Variants in TBC1D1 observed in about 807,000 individuals in gnomAD.
TBC1D1 encodes TBC1 (tre-2/USP6, BUB2, cdc16) domain family, member 1.
TBC1D1 carries 89 observed loss-of-function variants against 125.6 expected under a neutral mutation model. That is an observed-to-expected ratio of 0.71 (90% CI 0.60 to 0.85). The LOEUF is 0.85. TBC1D1 is among the 40% of genes least tolerant of loss of function. The pLI, the probability that TBC1D1 is intolerant of heterozygous loss-of-function variation, is 0.00. For missense variants in TBC1D1, 1,377 were observed against 1,469.2 expected (o/e 0.94, Z 1.03); for synonymous variants, 565 against 564.1 (o/e 1.00, Z -0.02).
chr4:37,942,830 G>A (rs926720887), intron 2 of TBC1D1, among the ~76,000 whole-genome samples: 6 of 152,070 alleles, frequency 3.9e-5, no homozygotes, highest in Admixed American at 1.3e-4. Context: ...GTGAGCCACC[G>A]TGCCCGGCTA....
chr4:38,098,962 T>G (rs1578697985), intron 14 of TBC1D1, among the ~76,000 whole-genome samples: 1 of 152,192 alleles, frequency 6.6e-6, no homozygotes. Context: ...CCTATGACAT[T>G]ATAGATAATT....
In TBC1D1 at chr4:38,078,150, G is replaced by C. The variant is rs145527849; in HGVS notation, c.2051-11782G>C. On this transcript the variant is annotated intron_variant, in intron 12 of 19. Coordinates refer to ENST00000261439, the MANE Select transcript of TBC1D1 (RefSeq NM_015173.4). The stretch of plus-strand genomic sequence containing the variant: ...AAAGAAAGGACAGCTCTGAGCCAGA[G>C]TACTTGGTGACTTTGCTCAAACAAA... Among the ~76,000 whole-genome samples, 760 of 152,314 alleles carry C rather than the reference G, an allele frequency of 5.0e-3. 2 individuals carry two copies. The highest frequency in any genetic ancestry group is 8.4e-3 in the Non-Finnish European group (571 of 68,026).
At chr4:37,964,127 A>T (rs1321646674) in intron 2 of TBC1D1, among the ~76,000 whole-genome samples, 2 of 152,210 alleles carry the variant, frequency 1.3e-5, no homozygotes, top group East Asian at 3.8e-4. Context: ...TGCAATAGAT[A>T]TTGAGTGGCT....
At chr4:37,979,905 G>A (rs1397399313) in intron 2 of TBC1D1, among the ~76,000 whole-genome samples, 8 of 152,068 alleles carry the variant, frequency 5.3e-5, no homozygotes, top group Admixed American at 4.6e-4. Flanking sequence ...TCAGCCTCCC[G>A]AGTAGCTGGG....
At position 37,977,574 on chromosome 4, in the gene TBC1D1, G is replaced by C. The variant is rs1441946918; in HGVS notation, c.418-36935G>C. The C allele has an allele frequency of 1.6e-6, 1 of 629,582 alleles. No homozygotes were observed. The highest frequency in any genetic ancestry group is 2.0e-6 in the Non-Finnish European group (1 of 493,784). The allele number at this position is 629,582 out of a possible 1,614,324, so 39.0% of individuals were successfully genotyped here. ...CGCCCGTTACCGGAGCGGAGCGGCA[G>C]GCGCGGGGCTGGAACATTTGTAACC... On this transcript the variant is annotated intron_variant, in intron 2 of 19. Transcript: ENST00000261439. The surrounding 1 kb of genome is among the most constrained non-coding windows in gnomAD (Gnocchi z 4.3).
In TBC1D1 at chr4:38,074,388, C is replaced by T. The variant is rs1031853898; in HGVS notation, c.2051-15544C>T. On this transcript the variant is annotated intron_variant, in intron 12 of 19. Transcript: ENST00000261439. ...GTTTTCACGATGTCCCAGAAAGCGA[C>T]GAGTGCAGTGAGGTGAAACGTGGCC... 3.9e-5 allele frequency among the ~76,000 whole-genome samples: 6 copies of T among 152,176 alleles called. No individual in the cohort carries two copies. The East Asian group carries it at 7.7e-4, about 20-fold the overall frequency.
rs1215951890 is a variant in TBC1D1 at position 38,087,845 on chromosome 4, CA to C, written c.2051-2070del. Among the ~76,000 whole-genome samples, 404 of 67,870 alleles carry C rather than the reference CA, an allele frequency of 6.0e-3. 6 individuals are homozygous for C. Among genetic ancestry groups the C allele is most frequent in the Admixed American group, 0.049 (233 of 4,780 alleles). 44.5% of individuals were successfully genotyped at this position (67,870 alleles called of 152,430 possible). A position where few individuals can be genotyped will look rare whatever the true frequency, so the allele number is the denominator to read the frequency against. On this transcript the variant is annotated intron_variant, in intron 12 of 19. Coordinates refer to ENST00000261439, the MANE Select transcript of TBC1D1 (RefSeq NM_015173.4). ...TGGGCAACAGAATGAGATTCCGTCT[CA>C]AAAAAAAAAAAAAAAAGAAAAAAAA...
At chr4:37,941,071 T>C (rs1448302138) in intron 2 of TBC1D1, among the ~76,000 whole-genome samples, 1 of 152,234 alleles carries the variant, frequency 6.6e-6, no homozygotes, top group Admixed American at 6.5e-5. Context: ...CTCTTTTCTA[T>C]TGATTGGAAT....
At chr4:38,090,916 A>T (rs1758316272) in intron 13 of TBC1D1, among the ~76,000 whole-genome samples, 1 of 152,206 alleles carries the variant, frequency 6.6e-6, no homozygotes. Flanking sequence ...ATCATTCTTG[A>T]TTGCAAATTT....
rs1167890498 is a variant in TBC1D1 at position 38,049,866 on chromosome 4, C to G, written c.1878C>G (p.His626Gln). The G allele has an allele frequency of 6.2e-7, 1 of 1,613,820 alleles. No individual in the cohort carries two copies. Among genetic ancestry groups the G allele is most frequent in the Admixed American group, 1.7e-5 (1 of 59,924 alleles). The change falls in exon 11 of 20, where the codon CAC becomes CAG. Residue 626 changes from histidine to glutamine, a missense_variant. This residue lies in a region of TBC1D1 where 822 missense variants were observed against 824.6 expected (regional missense o/e 1.00). Transcript: ENST00000261439. ...CGCAAAGGAAACTTATGAGGTATCA[C>G]TCAGTGAGCACAGAGACGCCTCATG...
intron 2 of TBC1D1, among the ~76,000 whole-genome samples, chr4:38,000,181 A>G (rs1738727253): frequency 6.6e-6 from 1 of 152,146 alleles, no homozygotes; most frequent in Admixed American, 6.5e-5. Context: ...TGCAATACAT[A>G]TGCACCATGG....
chr4:38,114,496 C>G (rs190599765), intron 15 of TBC1D1, among the ~76,000 whole-genome samples: 11 of 152,316 alleles, frequency 7.2e-5, no homozygotes, highest in Non-Finnish European at 1.6e-4. Context: ...AACGTGTGGC[C>G]TAGATCCACC....
chr4:38,020,058 A>G (rs2152434538), intron 4 of TBC1D1, among the ~76,000 whole-genome samples: 1 of 151,464 alleles, frequency 6.6e-6, no homozygotes, highest in East Asian at 1.9e-4. Flanking sequence ...TTGAATTTTC[A>G]GATCTTATTT....
intron 15 of TBC1D1, chr4:38,110,505 A>G: frequency 2.0e-6 from 2 of 985,460 alleles, no homozygotes; most frequent in Non-Finnish European, 2.4e-6. Flanking sequence ...CTTCATGAAG[A>G]GGAATTACTA....
chr4:37,950,809 A>G (rs1302437834), intron 2 of TBC1D1, among the ~76,000 whole-genome samples: 9 of 145,642 alleles, frequency 6.2e-5, no homozygotes, highest in Non-Finnish European at 1.2e-4. Context: ...CCCAGGCTGG[A>G]GTGCAGTGGT....
At chr4:37,968,826 G>A (rs1261869290) in intron 2 of TBC1D1, among the ~76,000 whole-genome samples, 1 of 152,190 alleles carries the variant, frequency 6.6e-6, no homozygotes, top group African/African-American at 2.4e-5. Flanking sequence ...GGGAGTGTGA[G>A]TTCCATGTGT....
intron 5 of TBC1D1, 50 bp from the exon 6 acceptor site, chr4:38,021,536 A>T (rs759254371): frequency 6.9e-7 from 1 of 1,442,908 alleles, no homozygotes; most frequent in East Asian, 2.6e-5. Flanking sequence ...CAGCCCAGCT[A>T]ATTTCAAATT....
At chr4:37,971,261 T>C (rs1236019849) in intron 2 of TBC1D1, among the ~76,000 whole-genome samples, 1 of 152,194 alleles carries the variant, frequency 6.6e-6, no homozygotes, top group Non-Finnish European at 1.5e-5. Flanking sequence ...AGTCTATTCT[T>C]ATGCTGTTAA....
At chr4:38,056,674 G>A (rs1290695323) in intron 12 of TBC1D1, among the ~76,000 whole-genome samples, 2 of 152,182 alleles carry the variant, frequency 1.3e-5, no homozygotes, top group Non-Finnish European at 2.9e-5. Flanking sequence ...TGAGCGTGGT[G>A]TTGTGAAGCT....
Sources: allele counts gnomAD v4.1 joint callset (sites outside exome capture counted in the v4.1 genomes callset), GRCh38; gene constraint gnomAD v4.1.1; regional missense constraint gnomAD v4.1.1; non-coding constraint Gnocchi (gnomAD v3.1); transcripts MANE v1.5; gene names NCBI Gene and HGNC (gene_info 2026-07-23, HGNC 2026-07-21).